LHFPL2: variants seen among roughly 807,000 people sequenced by gnomAD.
LHFPL2 encodes the protein LHFPL tetraspan subfamily member 2 protein.
LHFPL2 carries 7 observed loss-of-function variants against 17.5 expected under a neutral mutation model. That is an observed-to-expected ratio of 0.40 (90% confidence interval 0.23 to 0.75). The LOEUF is 0.75. Among genes scored for constraint, LHFPL2 ranks in the 30% least tolerant of loss-of-function variants. The probability of loss-of-function intolerance (pLI) is 0.37; values close to 1 mark genes in which losing one functional copy is unlikely to be tolerated. For synonymous variants in LHFPL2, 134 were observed against 116.2 expected (o/e 1.15, Z -0.99); for missense variants, 241 against 294.8 (o/e 0.82, Z 1.34).
At chr5:78,537,770 T>C (rs777431368) in intron 3 of LHFPL2, among the ~76,000 whole-genome samples, 1 of 152,236 alleles carries the variant, frequency 6.6e-6, no homozygotes, top group Non-Finnish European at 1.5e-5. Context: ...AGTTGAAAGC[T>C]TGATATTCTA....
chr5:78,491,252 G>T (rs1754436104), intron 4 of LHFPL2: 1 of 152,200 alleles, frequency 6.6e-6, no homozygotes, highest in Non-Finnish European at 1.5e-5. Flanking sequence ...GATGCTCATT[G>T]TTTGAAGAGG....
chr5:78,616,550 T>C (rs1333705240), intron 2 of LHFPL2, among the ~76,000 whole-genome samples: 1 of 152,200 alleles, frequency 6.6e-6, no homozygotes, highest in Non-Finnish European at 1.5e-5. Context: ...TTCAGAATAC[T>C]ATGCCAATAA....
intron 2 of LHFPL2, among the ~76,000 whole-genome samples, chr5:78,584,835 C>T (rs1047460493): frequency 2.0e-4 from 31 of 152,236 alleles, no homozygotes; most frequent in Middle Eastern, 3.4e-3. Flanking sequence ...CCTGGCTGCT[C>T]TGTTTACCTA....
chr5:78,617,255 C>T (rs1744654302), intron 2 of LHFPL2, among the ~76,000 whole-genome samples: 1 of 152,090 alleles, frequency 6.6e-6, no homozygotes, highest in South Asian at 2.1e-4. Context: ...GTCTCAAACT[C>T]CTGACCTTAG....
chr5:78,488,759 A>G lies in LHFPL2; in HGVS notation c.*138T>C, dbSNP rs928296974. ...TTTGCGTAGCTGGATGTGGCCTCTCATTGGTCCTGTTTAAGCCTCGGGCCG... is the reference window on the plus strand; with the variant it reads ...TTTGCGTAGCTGGATGTGGCCTCTCGTTGGTCCTGTTTAAGCCTCGGGCCG... On this transcript the variant is annotated 3_prime_UTR_variant, in exon 5 of 5. Coordinates refer to ENST00000380345, the MANE Select transcript of LHFPL2 (RefSeq NM_005779.3). 9 of 908,060 alleles carry G rather than the reference A, an allele frequency of 9.9e-6. No individual in the cohort carries two copies. The highest frequency in any genetic ancestry group is 1.5e-5 in the Non-Finnish European group (9 of 585,966). The allele number at this position is 908,060 out of a possible 1,614,324, so 56.3% of individuals were successfully genotyped here.
At chr5:78,530,672 GAACCCA>G (rs1755754915) in intron 3 of LHFPL2, among the ~76,000 whole-genome samples, 1 of 152,098 alleles carries the variant, frequency 6.6e-6, no homozygotes, top group African/African-American at 2.4e-5. Context: ...TTATAACATG[GAACCCA>G]AACTGATCAT....
intron 3 of LHFPL2, among the ~76,000 whole-genome samples, chr5:78,549,728 G>T (rs10062808): frequency 2.0e-5 from 3 of 152,194 alleles, no homozygotes; most frequent in Non-Finnish European, 4.4e-5. Flanking sequence ...TGGATTTTTA[G>T]AACAGTTCCA....
At position 78,635,789 on chromosome 5, in the gene LHFPL2, C is replaced by G. The variant is rs568363191; in HGVS notation, c.-349-3421G>C. Among the ~76,000 whole-genome samples, 5 of 151,286 alleles carry G rather than the reference C, an allele frequency of 3.3e-5. No individual in the cohort carries two copies. The South Asian group carries it at 1.0e-3, about 32-fold the overall frequency. ...CTGCACTCCAGCCTGGGTGACAGAG[C>G]GAGACTCCGTCTCAAAAACAAACAA... On this transcript the variant is annotated intron_variant, in intron 1 of 4. Transcript: ENST00000380345.
chr5:78,516,967 T>C (rs6453399), intron 3 of LHFPL2, among the ~76,000 whole-genome samples: 135,917 of 152,228 alleles, frequency 0.89, 60,885 homozygotes, highest in African/African-American at 0.95. Flanking sequence ...GGCCTGGACA[T>C]GGGTTCAGAA....
At chr5:78,619,277 C>G (rs1241435141) in intron 2 of LHFPL2, among the ~76,000 whole-genome samples, 1 of 152,144 alleles carries the variant, frequency 6.6e-6, no homozygotes. Flanking sequence ...ATTCACTCAC[C>G]TTGGCCTCCC....
intron 3 of LHFPL2, among the ~76,000 whole-genome samples, chr5:78,554,393 T>C (rs943384054): frequency 6.6e-6 from 1 of 152,262 alleles, no homozygotes; most frequent in Admixed American, 6.5e-5. Flanking sequence ...ATAATTCTGA[T>C]GGAAGTCTCA....
At position 78,486,847 on chromosome 5, in the gene LHFPL2, C is replaced by CCTA. The variant is rs1389392433; in HGVS notation, c.*2047_*2049dup. 6.6e-6 allele frequency: 1 copy of CCTA among 152,088 alleles called. No homozygotes were observed. The highest frequency in any genetic ancestry group is 6.6e-5 in the Admixed American group (1 of 15,266). The allele number at this position is 152,088 out of a possible 1,614,324, so 9.4% of individuals were successfully genotyped here. On this transcript the variant is annotated 3_prime_UTR_variant, in exon 5 of 5. Transcript: ENST00000380345. Reference sequence around the variant, plus strand: ...CTTGTAAGGACACTGAGATTGTAAACCTAGTGTCAGAAAATGGTTTCTCTA... The same window carrying CCTA: ...CTTGTAAGGACACTGAGATTGTAAACCTACTAGTGTCAGAAAATGGTTTCTCTA...
intron 2 of LHFPL2, among the ~76,000 whole-genome samples, chr5:78,630,240 G>A (rs1308736410): frequency 6.6e-6 from 1 of 152,182 alleles, no homozygotes; most frequent in African/African-American, 2.4e-5. Flanking sequence ...TCGGTAAACT[G>A]CAGCTCACTA....
intron 3 of LHFPL2, among the ~76,000 whole-genome samples, chr5:78,551,685 C>A (rs1756446714): frequency 6.6e-6 from 1 of 152,252 alleles, no homozygotes; most frequent in African/African-American, 2.4e-5. Context: ...TCTCCTGAGG[C>A]AGGCCACAAA....
chr5:78,486,158 A>G lies in LHFPL2; in HGVS notation c.*2739T>C, dbSNP rs1754233355. The stretch of plus-strand genomic sequence containing the variant: ...TTTACAGAATATATGTTTAACAAAG[A>G]TCATTACACCACAGATGTTTGAAAA... On this transcript the variant is annotated 3_prime_UTR_variant, in exon 5 of 5. Coordinates refer to ENST00000380345, the MANE Select transcript of LHFPL2 (RefSeq NM_005779.3). 1 of 152,690 alleles carries G rather than the reference A, an allele frequency of 6.5e-6. No homozygotes were observed. Among genetic ancestry groups the G allele is most frequent in the South Asian group, 2.1e-4 (1 of 4,834 alleles). The allele number at this position is 152,690 out of a possible 1,614,324, so 9.5% of individuals were successfully genotyped here. A position where few individuals can be genotyped will look rare whatever the true frequency, so the allele number is the denominator to read the frequency against.
At chr5:78,600,911 T>C (rs1580847494) in intron 2 of LHFPL2, among the ~76,000 whole-genome samples, 1 of 152,186 alleles carries the variant, frequency 6.6e-6, no homozygotes, top group Non-Finnish European at 1.5e-5. Flanking sequence ...CAATGTTTTA[T>C]TTTGGCCTGT....
At chr5:78,523,095 A>G (rs1267542394) in intron 3 of LHFPL2, among the ~76,000 whole-genome samples, 2 of 146,160 alleles carry the variant, frequency 1.4e-5, no homozygotes, top group East Asian at 4.0e-4. Flanking sequence ...TGGCGTGTGC[A>G]CGTGTGTGTG....
intron 3 of LHFPL2, among the ~76,000 whole-genome samples, chr5:78,534,956 C>G (rs1224466022): frequency 6.6e-6 from 1 of 152,200 alleles, no homozygotes; most frequent in African/African-American, 2.4e-5. Flanking sequence ...TTGCCCTCTA[C>G]TGTAAGTTGA....
At chr5:78,564,128 A>C (rs1325910989) in intron 3 of LHFPL2, among the ~76,000 whole-genome samples, 1 of 152,122 alleles carries the variant, frequency 6.6e-6, no homozygotes, top group East Asian at 1.9e-4. Flanking sequence ...CCGAACCTCC[A>C]GTTTATAATA....
Sources: gnomAD v4.1 joint callset for allele counts (sites outside exome capture counted in the v4.1 genomes callset) on GRCh38, gnomAD v4.1.1 for gene constraint, MANE v1.5 for transcripts, NCBI Gene and HGNC (gene_info 2026-07-23, HGNC 2026-07-21) for gene names.